Variants in SLC15A4 observed in about 807,000 individuals in gnomAD.
SLC15A4 encodes the protein solute carrier family 15 member 4.
In SLC15A4, 26 loss-of-function variants were observed where a neutral mutation model predicts 46.1. The ratio of observed to expected loss-of-function variants is 0.56; its 90% CI spans 0.41 to 0.78. The LOEUF (loss-of-function observed/expected upper bound fraction) is 0.78, where lower values mean the gene tolerates loss of function less well. Ranked by LOEUF, SLC15A4 falls within the 30% of genes least tolerant of loss-of-function variation. The probability of loss-of-function intolerance (pLI) is 0.00; values close to 1 mark genes in which losing one functional copy is unlikely to be tolerated. For synonymous variants in SLC15A4, 370 were observed against 333.4 expected, an observed-to-expected ratio of 1.11 and a Z score of -1.20; for missense variants, 751 against 755.7, an observed-to-expected ratio of 0.99 and a Z score of 0.07.
intron 2 of SLC15A4, among the ~76,000 whole-genome samples, chr12:128,811,104 C>T (rs188795690): frequency 2.2e-4 from 33 of 152,174 alleles, no homozygotes; most frequent in East Asian, 7.7e-4. Flanking sequence ...TAGACAGCTC[C>T]GCACTCTCTC....
Position 128,823,641 on chromosome 12 carries a change from G to C in SLC15A4, c.303C>G (p.Gly101=). ...FGGWLADARL[G]RARAILLSLA... ...GGCTCAGCAGGATGGCGCGCGCCCG[G>C]CCCAGCCGCGCGTCGGCCAGCCAGC... is the stretch of plus-strand genomic sequence containing the variant. The change falls in exon 1 of 8, where the codon GGC becomes GGG. Residue 101 remains glycine, a synonymous_variant. Transcript: ENST00000266771. 1 of 1,487,238 alleles carries C rather than the reference G, an allele frequency of 6.7e-7. No individual in the cohort carries two copies. The allele number at this position is 1,487,238 out of a possible 1,614,324, so 92.1% of individuals were successfully genotyped here.
chr12:128,822,662 C>T lies in SLC15A4; in HGVS notation c.546+736G>A, dbSNP rs1955863194. Among the ~76,000 whole-genome samples the T allele has an allele frequency of 2.6e-5, 4 of 152,068 alleles. No homozygotes were observed. The South Asian group carries it at 8.3e-4, about 32-fold the overall frequency. On this transcript the variant is annotated intron_variant, in intron 1 of 7. Transcript: ENST00000266771. ...TGCCTCCCGGGTGCAAGCGATTCTC[C>T]TGCCTCAGCCTCCCGACTAGCTGAG...
chr12:128,799,553 T>A, intron 6 of SLC15A4, 136 bp from the exon 7 acceptor site: 1 of 859,328 alleles, frequency 1.2e-6, no homozygotes, highest in East Asian at 2.6e-5. Flanking sequence ...CAACCTCTTT[T>A]CTATTAGGAG....
chr12:128,798,919 C>T (rs1955480130), intron 7 of SLC15A4, among the ~76,000 whole-genome samples: 1 of 149,914 alleles, frequency 6.7e-6, no homozygotes, highest in African/African-American at 2.4e-5. Context: ...TCAGCTGCCT[C>T]ACGAAGACTG....
chr12:128,798,472 G>T (rs1488943269), intron 7 of SLC15A4, among the ~76,000 whole-genome samples: 1 of 152,226 alleles, frequency 6.6e-6, no homozygotes, highest in Non-Finnish European at 1.5e-5. Flanking sequence ...TGGGAATTCT[G>T]CAATTTCTGC....
At chr12:128,808,657 T>G in intron 5 of SLC15A4, 131 bp downstream of exon 5, 1 of 802,726 alleles carries the variant, frequency 1.2e-6, no homozygotes, top group Non-Finnish European at 2.0e-6. Context: ...GTAAAATAAC[T>G]GATACACATC....
In SLC15A4 at chr12:128,794,089, A is replaced by T; in HGVS notation, c.*107T>A. On this transcript the variant is annotated 3_prime_UTR_variant, in exon 8 of 8. Coordinates refer to ENST00000266771, the MANE Select transcript of SLC15A4 (RefSeq NM_145648.4). ...TCAATCCAGGCAACATGCAAGTTTC[A>T]GTGAAGTCAGACATTTTATGGGAAT... The T allele has an allele frequency of 9.0e-7, 1 of 1,114,564 alleles. No homozygotes were observed. Among genetic ancestry groups the T allele is most frequent in the Non-Finnish European group, 1.3e-6 (1 of 781,120 alleles). The allele number at this position is 1,114,564 out of a possible 1,614,324, so 69.0% of individuals were successfully genotyped here.
At chr12:128,811,662 G>C (rs752926784) in intron 2 of SLC15A4, among the ~76,000 whole-genome samples, 2 of 152,124 alleles carry the variant, frequency 1.3e-5, no homozygotes, top group Non-Finnish European at 2.9e-5. Context: ...TTTTCAAAAA[G>C]GAAATTAAAG....
At chr12:128,813,315 T>TG (rs754170811) in intron 2 of SLC15A4, 15 of 151,882 alleles carry the variant, frequency 9.9e-5, no homozygotes, top group Non-Finnish European at 2.2e-4. Flanking sequence ...CTCAGCCTCC[T>TG]GTACTTTAAT....
chr12:128,794,090 G>A lies in SLC15A4; in HGVS notation c.*106C>T. 1 of 1,134,290 alleles carries A rather than the reference G, an allele frequency of 8.8e-7. No individual in the cohort carries two copies. Among genetic ancestry groups the A allele is most frequent in the Middle Eastern group, 2.1e-4 (1 of 4,810 alleles). The allele number at this position is 1,134,290 out of a possible 1,614,324, so 70.3% of individuals were successfully genotyped here. A position where few individuals can be genotyped will look rare whatever the true frequency, so the allele number is the denominator to read the frequency against. On this transcript the variant is annotated 3_prime_UTR_variant, in exon 8 of 8. Transcript: ENST00000266771. The stretch of plus-strand genomic sequence containing the variant: ...CAATCCAGGCAACATGCAAGTTTCA[G>A]TGAAGTCAGACATTTTATGGGAATT...
rs1955420282 is a variant in SLC15A4 at position 128,794,287 on chromosome 12, A to T, written c.1643T>A (p.Leu548Gln). ...TTTCACAGAAATAATGAGGAAAAGC[A>T]GGAGGGTAGCTCCTTGAATAGCAGC... ...LLAAIQGATLLLFLIISVKYD... is the reference protein window; with the variant it reads ...LLAAIQGATLQLFLIISVKYD... The change falls in exon 8 of 8, where the codon CTG (leucine) becomes CAG (glutamine). Residue 548 changes from leucine to glutamine, a missense_variant. Coordinates refer to ENST00000266771, the MANE Select transcript of SLC15A4 (RefSeq NM_145648.4). The T allele has an allele frequency of 6.2e-7, 1 of 1,614,044 alleles. No homozygotes were observed. The highest frequency in any genetic ancestry group is 1.3e-5 in the African/African-American group (1 of 75,042).
At chr12:128,795,941 G>C (rs1027592617) in intron 7 of SLC15A4, among the ~76,000 whole-genome samples, 4 of 152,198 alleles carry the variant, frequency 2.6e-5, no homozygotes, top group Non-Finnish European at 4.4e-5. Flanking sequence ...CGAGGGGAGC[G>C]AGTGCTCTGG....
In SLC15A4 at chr12:128,794,304, A is replaced by T. The variant is rs1343399327; in HGVS notation, c.1626T>A (p.Ile542=). ...GGAAAAGCAGGAGGGTAGCTCCTTG[A>T]ATAGCAGCCAGAAGAAAAAAGTAAT... ...LNYYFFLLAA[I]QGATLLLFLI... is the part of the protein sequence containing the mutation. Residue 542 remains isoleucine, a synonymous_variant, in exon 8 of 8, where the codon ATT becomes ATA. Transcript: ENST00000266771. The T allele has an allele frequency of 2.5e-6, 4 of 1,613,648 alleles. No homozygotes were observed. Among genetic ancestry groups the T allele is most frequent in the Non-Finnish European group, 3.4e-6 (4 of 1,179,818 alleles).
At chr12:128,809,566 C>A (rs1484045063) in intron 3 of SLC15A4, 93 bp from the exon 4 acceptor site, 3 of 738,186 alleles carry the variant, frequency 4.1e-6, no homozygotes, top group South Asian at 3.7e-5. Flanking sequence ...GACTCAGATG[C>A]GACACACAGT....
At chr12:128,817,263 C>G (rs1955768219) in intron 1 of SLC15A4, among the ~76,000 whole-genome samples, 1 of 152,108 alleles carries the variant, frequency 6.6e-6, no homozygotes, top group African/African-American at 2.4e-5. Flanking sequence ...CACTAGGACA[C>G]AATGCATTTA....
chr12:128,795,662 G>C (rs1003684124), intron 7 of SLC15A4, among the ~76,000 whole-genome samples: 13 of 152,244 alleles, frequency 8.5e-5, no homozygotes, highest in Non-Finnish European at 4.4e-5. Context: ...CTCTCCGCCA[G>C]AGAACAGAGT....
At chr12:128,810,439 C>A in intron 2 of SLC15A4, 1 of 309,726 alleles carries the variant, frequency 3.2e-6, no homozygotes, top group Non-Finnish European at 6.1e-6. Context: ...CGGCAATCTC[C>A]GTGTGGGGAG....
chr12:128,816,638 C>T (rs4760536), intron 1 of SLC15A4, among the ~76,000 whole-genome samples: 49,983 of 151,842 alleles, frequency 0.33, 8,404 homozygotes, highest in Non-Finnish European at 0.36. Context: ...TGAGAGCAGC[C>T]TGGGAACACA....
chr12:128,796,429 C>CAAAAAAAAAAAAAAAAA (rs57014966), intron 7 of SLC15A4, among the ~76,000 whole-genome samples: 5 of 33,928 alleles, frequency 1.5e-4, no homozygotes, highest in Non-Finnish European at 2.1e-4. Context: ...AACTCCATCT[C>CAAAAAAAAAAAAAAAAA]AAAAAAAAAA....
Sources: allele counts gnomAD v4.1 joint callset (sites outside exome capture counted in the v4.1 genomes callset), GRCh38; gene constraint gnomAD v4.1.1; transcripts MANE v1.5; gene names NCBI Gene and HGNC (gene_info 2026-07-23, HGNC 2026-07-21).